Variants in EPHA6 observed in about 807,000 individuals in gnomAD.
The protein encoded by EPHA6 is ephrin type-A receptor 6.
EPHA6 carries 50 observed loss-of-function variants against 112.0 expected under a neutral mutation model. The observed-to-expected ratio is 0.45, with a 90% CI of 0.36 to 0.56. The LOEUF is 0.56. EPHA6 is among the 20% of genes least tolerant of loss of function. EPHA6 has a pLI of 0.00. For synonymous variants in EPHA6, 529 were observed against 490.7 expected (o/e 1.08, Z -1.03); for missense variants, 1,280 against 1,417.4 (o/e 0.90, Z 1.56).
At chr3:96,921,318 T>C (rs2039750787) in intron 2 of EPHA6, among the ~76,000 whole-genome samples, 1 of 152,118 alleles carries the variant, frequency 6.6e-6, no homozygotes, top group African/African-American at 2.4e-5. Flanking sequence ...AATTATGATA[T>C]TAATATTTTT....
At chr3:97,178,971 T>C (rs1432779972) in intron 3 of EPHA6, among the ~76,000 whole-genome samples, 1 of 152,164 alleles carries the variant, frequency 6.6e-6, no homozygotes, top group East Asian at 1.9e-4. Context: ...TTAAGGCCAA[T>C]AACTCTTTGA....
At chr3:97,008,877 G>A (rs547085860) in intron 3 of EPHA6, among the ~76,000 whole-genome samples, 1 of 151,922 alleles carries the variant, frequency 6.6e-6, no homozygotes. Context: ...CAATAGTCAG[G>A]TCCCTCTTCT....
intron 9 of EPHA6, chr3:97,481,130 G>A (rs1433700451): frequency 4.7e-6 from 3 of 639,534 alleles, no homozygotes; most frequent in Non-Finnish European, 8.7e-6. Flanking sequence ...CAGGTGGCTG[G>A]GAGGTGGAGG....
intron 16 of EPHA6, chr3:97,745,590 C>A (rs373267618): frequency 7.6e-4 from 164 of 216,820 alleles, no homozygotes; most frequent in African/African-American, 3.6e-3. Context: ...TATGTTAATT[C>A]CAATCATATA....
At chr3:97,342,323 GGACAA>G (rs1361910080) in intron 5 of EPHA6, among the ~76,000 whole-genome samples, 2 of 152,124 alleles carry the variant, frequency 1.3e-5, no homozygotes, top group African/African-American at 4.8e-5. Context: ...TGATGAGTTT[GGACAA>G]ATGTAATCAC....
At chr3:97,637,851 C>T in intron 13 of EPHA6, 22 bp from the exon 14 acceptor site, 1 of 1,589,508 alleles carries the variant, frequency 6.3e-7, no homozygotes, top group Non-Finnish European at 8.6e-7. Context: ...AATCAATTTA[C>T]ACAATTGTGA....
intron 6 of EPHA6, among the ~76,000 whole-genome samples, chr3:97,447,513 A>T (rs922439346): frequency 6.6e-6 from 1 of 152,128 alleles, no homozygotes; most frequent in Non-Finnish European, 1.5e-5. Context: ...ACTTTTGTTT[A>T]CACAAATGCA....
At chr3:96,889,017 A>C (rs1228670442) in intron 2 of EPHA6, among the ~76,000 whole-genome samples, 1 of 152,104 alleles carries the variant, frequency 6.6e-6, no homozygotes, top group Non-Finnish European at 1.5e-5. Flanking sequence ...TCTCATGTTC[A>C]AAGTTCCACA....
At chr3:96,959,730 G>T (rs956431101) in intron 2 of EPHA6, among the ~76,000 whole-genome samples, 2 of 151,604 alleles carry the variant, frequency 1.3e-5, no homozygotes, top group Non-Finnish European at 2.9e-5. Flanking sequence ...CAGCTGTCTT[G>T]TTTTGTTTTT....
intron 3 of EPHA6, among the ~76,000 whole-genome samples, chr3:97,007,417 G>C (rs1275013968): frequency 7.5e-6 from 1 of 133,710 alleles, no homozygotes; most frequent in Non-Finnish European, 1.6e-5. Context: ...CAGAGATTAG[G>C]ATTGCGGTCC....
At chr3:97,142,047 T>G (rs1292093310) in intron 3 of EPHA6, among the ~76,000 whole-genome samples, 1 of 151,948 alleles carries the variant, frequency 6.6e-6, no homozygotes, top group Non-Finnish European at 1.5e-5. Context: ...TAGTGTTCTG[T>G]TTTTAGTGGT....
rs770050756 is a variant in EPHA6, at chr3:97,610,826, A to C, written c.2546A>C (p.Glu849Ala). The change falls in exon 13 of 18, where the codon GAG becomes GCG. Residue 849 changes from glutamate (E) to alanine (A), a missense_variant. This residue lies in a region of EPHA6 where 878 missense variants were observed against 999.7 expected (regional missense o/e 0.88). Coordinates refer to ENST00000389672, the MANE Select transcript of EPHA6 (RefSeq NM_001080448.3). ...RPVMIVVEYMENGSLDSFLRK... is the reference protein window; with the variant it reads ...RPVMIVVEYMANGSLDSFLRK... ...GTAATGATTGTGGTGGAATATATGG[A>C]GAATGGATCCCTAGACTCCTTTTTG... 5.6e-6 allele frequency: 9 copies of C among 1,611,848 alleles called. No homozygotes were observed. The South Asian group carries it at 9.9e-5, about 18-fold the overall frequency.
At chr3:97,565,125 T>C (rs142262284) in intron 11 of EPHA6, among the ~76,000 whole-genome samples, 54 of 152,182 alleles carry the variant, frequency 3.5e-4, no homozygotes, top group African/African-American at 1.3e-3. Context: ...GAGAATTTAG[T>C]TTCACAAGCA....
chr3:97,497,698 C>G (rs763286465), intron 10 of EPHA6, among the ~76,000 whole-genome samples: 2 of 151,832 alleles, frequency 1.3e-5, no homozygotes, highest in African/African-American at 2.4e-5. Context: ...TGACTTTATT[C>G]TCAAAAACCT....
At chr3:97,279,487 T>C (rs2080214216) in intron 5 of EPHA6, among the ~76,000 whole-genome samples, 1 of 149,212 alleles carries the variant, frequency 6.7e-6, no homozygotes, top group South Asian at 2.1e-4. Flanking sequence ...GTGAAGAGAA[T>C]AGGAAATCTA....
intron 3 of EPHA6, among the ~76,000 whole-genome samples, chr3:97,062,863 A>G (rs1161581126): frequency 2.0e-5 from 3 of 152,148 alleles, no homozygotes; most frequent in African/African-American, 7.2e-5. Context: ...TGTCTTTATC[A>G]GCAGTGTGAA....
chr3:97,356,261 A>T (rs542755989), intron 5 of EPHA6, among the ~76,000 whole-genome samples: 3 of 152,292 alleles, frequency 2.0e-5, no homozygotes, highest in Non-Finnish European at 4.4e-5. Context: ...TACTTGCAGG[A>T]AAACAAGTTC....
intron 4 of EPHA6, among the ~76,000 whole-genome samples, chr3:97,238,863 G>A (rs559365541): frequency 6.6e-6 from 1 of 151,888 alleles, no homozygotes; most frequent in Non-Finnish European, 1.5e-5. Flanking sequence ...CGGGGGCCTG[G>A]TATGAAGACA....
chr3:96,857,354 A>G (rs558529805), intron 1 of EPHA6, among the ~76,000 whole-genome samples: 1 of 152,230 alleles, frequency 6.6e-6, no homozygotes, highest in Admixed American at 6.5e-5. Flanking sequence ...TAAAGCTTCC[A>G]TCTGTCATTC....
Sources: allele counts gnomAD v4.1 joint callset (sites outside exome capture counted in the v4.1 genomes callset), GRCh38; gene constraint gnomAD v4.1.1; regional missense constraint gnomAD v4.1.1; transcripts MANE v1.5; gene names NCBI Gene and HGNC (gene_info 2026-07-23, HGNC 2026-07-21).